Variants in RARB observed in about 807,000 individuals in gnomAD.
RARB encodes the protein HBV-activated protein.
In RARB, 17 loss-of-function variants were observed where a neutral mutation model predicts 51.9. The ratio of observed to expected loss-of-function variants is 0.33; its 90% CI spans 0.22 to 0.49. The LOEUF (loss-of-function observed/expected upper bound fraction) is 0.49. RARB is among the 20% of genes least tolerant of loss of function. The pLI is 0.99. For missense variants in RARB, 369 were observed against 550.8 expected (o/e 0.67, Z 3.30); for synonymous variants, 215 against 195.4 (o/e 1.10, Z -0.84).
intron 4 of RARB, among the ~76,000 whole-genome samples, chr3:25,579,631 G>A (rs540009454): frequency 6.6e-6 from 1 of 152,296 alleles, no homozygotes; most frequent in African/African-American, 2.4e-5. Context: ...GAGCATTTGG[G>A]TTGAGTTGCT....
At chr3:25,000,519 C>G (rs182110368) in intron 2 of RARB, among the ~76,000 whole-genome samples, 2 of 151,930 alleles carry the variant, frequency 1.3e-5, no homozygotes, top group African/African-American at 2.4e-5. Flanking sequence ...CTTTGACCTG[C>G]GAGGCTGATT....
intron 5 of RARB, among the ~76,000 whole-genome samples, chr3:25,207,206 A>C (rs909369033): frequency 6.6e-6 from 1 of 152,138 alleles, no homozygotes; most frequent in Non-Finnish European, 1.5e-5. Context: ...TTGCCTGGAG[A>C]TATAGTTCCA....
At chr3:25,207,381 C>G (rs2125375502) in intron 5 of RARB, among the ~76,000 whole-genome samples, 1 of 152,264 alleles carries the variant, frequency 6.6e-6, no homozygotes, top group African/African-American at 2.4e-5. Flanking sequence ...TCTGCTTTTC[C>G]CAAGGAAACA....
At chr3:25,160,010 C>T (rs1700448306) in intron 4 of RARB, among the ~76,000 whole-genome samples, 1 of 152,110 alleles carries the variant, frequency 6.6e-6, no homozygotes, top group Admixed American at 6.5e-5. Context: ...TTCTTAAGTA[C>T]AAAACGTTTA....
intron 3 of RARB, among the ~76,000 whole-genome samples, chr3:25,077,534 T>A (rs1200075074): frequency 2.6e-5 from 4 of 152,232 alleles, no homozygotes; most frequent in African/African-American, 9.6e-5. Context: ...TTTTTACTGC[T>A]GAGAAGTAGT....
chr3:25,020,412 T>G (rs1697608961), intron 2 of RARB: 2 of 152,132 alleles, frequency 1.3e-5, no homozygotes, highest in Non-Finnish European at 2.9e-5. Context: ...GCGATCCTCC[T>G]GTCTCAGCCT....
chr3:25,397,642 T>G (rs1707151831), intron 5 of RARB, among the ~76,000 whole-genome samples: 1 of 152,198 alleles, frequency 6.6e-6, no homozygotes, highest in Admixed American at 6.5e-5. Context: ...ATTGAATTTA[T>G]TTAAAAAGTA....
intron 1 of RARB, among the ~76,000 whole-genome samples, chr3:25,436,312 A>G (rs1342180143): frequency 6.6e-6 from 1 of 152,192 alleles, no homozygotes; most frequent in Non-Finnish European, 1.5e-5. Flanking sequence ...CAGAACACTA[A>G]TTGTTATTAT....
At chr3:25,111,099 C>G (rs116140873) in intron 3 of RARB, among the ~76,000 whole-genome samples, 1 of 152,012 alleles carries the variant, frequency 6.6e-6, no homozygotes, top group African/African-American at 2.4e-5. Flanking sequence ...AATACTTGTA[C>G]GGCTATGACA....
At chr3:24,959,416 G>A (rs1238013852) in intron 2 of RARB, among the ~76,000 whole-genome samples, 2 of 152,188 alleles carry the variant, frequency 1.3e-5, no homozygotes, top group Non-Finnish European at 2.9e-5. Flanking sequence ...TCCCTCTGGA[G>A]TCAAACTTCT....
At chr3:25,230,591 A>T (rs188789636) in intron 5 of RARB, among the ~76,000 whole-genome samples, 1 of 152,152 alleles carries the variant, frequency 6.6e-6, no homozygotes, top group Admixed American at 6.6e-5. Context: ...TTTATCTAGT[A>T]TTCACGATGT....
intron 2 of RARB, among the ~76,000 whole-genome samples, chr3:24,932,729 A>G (rs1021949554): frequency 6.6e-6 from 1 of 152,106 alleles, no homozygotes; most frequent in African/African-American, 2.4e-5. Flanking sequence ...AGAGGTTTTG[A>G]TATGTGGCCA....
At chr3:25,386,664 G>C (rs1250507037) in intron 5 of RARB, among the ~76,000 whole-genome samples, 3 of 152,116 alleles carry the variant, frequency 2.0e-5, no homozygotes, top group Non-Finnish European at 4.4e-5. Flanking sequence ...GTCATTTTCT[G>C]AGGTTCCCTT....
intron 1 of RARB, among the ~76,000 whole-genome samples, chr3:25,444,116 T>C (rs145399720): frequency 2.9e-4 from 44 of 152,304 alleles, no homozygotes; most frequent in African/African-American, 9.4e-4. Flanking sequence ...GTGCTTAAAA[T>C]GAACCATGTC....
intron 5 of RARB, among the ~76,000 whole-genome samples, chr3:25,220,708 G>A (rs1274985235): frequency 6.6e-6 from 1 of 152,174 alleles, no homozygotes; most frequent in Non-Finnish European, 1.5e-5. Flanking sequence ...TAAGTTTCCT[G>A]AGGCCTCCCA....
intron 3 of RARB, among the ~76,000 whole-genome samples, chr3:25,101,306 T>C (rs1699395762): frequency 6.6e-6 from 1 of 151,998 alleles, no homozygotes; most frequent in Admixed American, 6.6e-5. Context: ...GAGCAAAACA[T>C]GCACGTGGAA....
At position 25,594,578 on chromosome 3, in the gene RARB, A is replaced by G. The variant is rs1281098231; in HGVS notation, c.1050A>G (p.Glu350=). 11 of 1,613,846 alleles carry G rather than the reference A, an allele frequency of 6.8e-6. No individual in the cohort carries two copies. Among genetic ancestry groups the G allele is most frequent in the Non-Finnish European group, 9.3e-6 (11 of 1,179,870 alleles). The change falls in exon 7 of 8, where the codon GAA becomes GAG. Residue 350 remains glutamate (E), a synonymous_variant. Coordinates refer to ENST00000330688, the MANE Select transcript of RARB (RefSeq NM_000965.5). ...KVDKLQEPLL[E]ALKIYIRKRR... The stretch of plus-strand genomic sequence containing the variant: ...ATAAGCTACAAGAACCATTGCTGGA[A>G]GCACTAAAAATTTATATCAGAAAAA...
rs1187882094 is a variant in RARB at position 25,262,230 on chromosome 3, G to C, written c.178+87655G>C. On this transcript the variant is annotated intron_variant, in intron 5 of 11. Transcript: ENST00000383772. ...TTTTCCAAACCAGAACCTGTGCCCA[G>C]AGTGAGTGCCCTCACTACACGTAAT... is the stretch of plus-strand genomic sequence containing the variant. 2.0e-5 allele frequency among the ~76,000 whole-genome samples: 3 copies of C among 152,114 alleles called. No homozygotes were observed. The East Asian group carries it at 5.8e-4, about 29-fold the overall frequency.
At chr3:25,590,622 A>C (rs60609026) in intron 5 of RARB, among the ~76,000 whole-genome samples, 35,715 of 151,940 alleles carry the variant, frequency 0.24, 4,381 homozygotes, top group African/African-American at 0.32. Flanking sequence ...CCAGTTCAAG[A>C]GATTCTCCAA....
Sources: allele counts gnomAD v4.1 joint callset (sites outside exome capture counted in the v4.1 genomes callset), GRCh38; gene constraint gnomAD v4.1.1; transcripts MANE v1.5; gene names NCBI Gene and HGNC (gene_info 2026-07-23, HGNC 2026-07-21).